SAFB2: variants seen among roughly 807,000 people sequenced by gnomAD.
SAFB2 encodes the protein scaffold attachment factor B2.
A neutral mutation model predicts 100.6 loss-of-function variants in SAFB2; 32 were observed. That is an observed-to-expected ratio of 0.32 (90% CI 0.24 to 0.43). The LOEUF (loss-of-function observed/expected upper bound fraction) is 0.43, where lower values mean the gene tolerates loss of function less well. Among genes scored for constraint, SAFB2 ranks in the 20% least tolerant of loss-of-function variants. The pLI is 1.00. For missense variants in SAFB2, 1,185 were observed against 1,163.4 expected (o/e 1.02, Z -0.27); for synonymous variants, 500 against 439.4 (o/e 1.14, Z -1.72).
chr19:5,610,612 T>A (rs1022669778), intron 8 of SAFB2, 27 bp downstream of exon 8: 1 of 1,526,026 alleles, frequency 6.6e-7, no homozygotes. Flanking sequence ...CATACCTGGC[T>A]CCCTACCACG....
At chr19:5,593,795 C>G in intron 15 of SAFB2, 96 bp downstream of exon 15, 2 of 1,279,794 alleles carry the variant, frequency 1.6e-6, no homozygotes, top group Non-Finnish European at 2.0e-6. Context: ...ATTCTCCCCA[C>G]CGACAGGGAC....
intron 9 of SAFB2, among the ~76,000 whole-genome samples, chr19:5,606,308 C>CAA (rs2052773710): frequency 6.6e-6 from 1 of 152,204 alleles, no homozygotes; most frequent in African/African-American, 2.4e-5. Flanking sequence ...CCAAAAAATA[C>CAA]AATTCACAAC....
chr19:5,589,898 C>A (rs899216697), intron 18 of SAFB2, among the ~76,000 whole-genome samples: 3 of 152,136 alleles, frequency 2.0e-5, no homozygotes, highest in Non-Finnish European at 2.9e-5. Context: ...GAGGAAGACA[C>A]GTGTCAAGAG....
chr19:5,594,823 C>T (rs2052501630), intron 14 of SAFB2, among the ~76,000 whole-genome samples: 1 of 152,128 alleles, frequency 6.6e-6, no homozygotes, highest in Non-Finnish European at 1.5e-5. Flanking sequence ...GGCAACATAG[C>T]CAAACCCCAT....
In SAFB2 at chr19:5,622,771, G is replaced by T; in HGVS notation, c.-56C>A. On this transcript the variant is annotated 5_prime_UTR_variant, in exon 1 of 21. Transcript: ENST00000252542. ...GTCGCACACCGCCGGCAGCTATAGCGGCTCTGAACACAAAATGGCGCCGCC... is the reference window on the plus strand; with the variant it reads ...GTCGCACACCGCCGGCAGCTATAGCTGCTCTGAACACAAAATGGCGCCGCC... 6.5e-7 allele frequency: 1 copy of T among 1,529,640 alleles called. No individual in the cohort carries two copies. The highest frequency in any genetic ancestry group is 8.8e-7 in the Non-Finnish European group (1 of 1,140,078). The allele number at this position is 1,529,640 out of a possible 1,614,324, so 94.8% of individuals were successfully genotyped here. A position where few individuals can be genotyped will look rare whatever the true frequency, so the allele number is the denominator to read the frequency against.
At chr19:5,591,492 C>A in intron 17 of SAFB2, 1 of 377,740 alleles carries the variant, frequency 2.6e-6, no homozygotes, top group Non-Finnish European at 4.8e-6. Context: ...GTCGGCCAGG[C>A]TGGTCTTGAA....
chr19:5,591,624 C>T (rs2052406768), intron 17 of SAFB2, 124 bp downstream of exon 17: 1 of 836,246 alleles, frequency 1.2e-6, no homozygotes, highest in African/African-American at 1.7e-5. Context: ...ACTTGCATAC[C>T]CGCCACACGT....
chr19:5,613,501 A>G lies in SAFB2; in HGVS notation c.570T>C (p.Thr190=), dbSNP rs148685765. The change falls in exon 5 of 21, where the codon ACT becomes ACC. Residue 190 remains threonine (T), a synonymous_variant. Transcript: ENST00000252542. ...HAVDGEGFKN[T]LETSSLNFKV... is the part of the protein sequence containing the mutation. ...TGAAGTTCAACGATGAAGTTTCCAAAGTGTTCTTAAATCCTTCCCCATCCA... is the reference window on the plus strand; with the variant it reads ...TGAAGTTCAACGATGAAGTTTCCAAGGTGTTCTTAAATCCTTCCCCATCCA... 3.2e-4 allele frequency: 512 copies of G among 1,614,106 alleles called. 1 individual carries two copies. The highest frequency in any genetic ancestry group is 1.3e-3 in the Middle Eastern group (8 of 6,060).
rs116427884 is a variant in SAFB2, at chr19:5,605,529, T to C, written c.1297-593A>G. On this transcript the variant is annotated intron_variant, in intron 9 of 20. Transcript: ENST00000252542. ...TAACCAGAAGTCCTACCCATCCACA[T>C]TGTTTTCTCTATTTCCACTGTGCCC... Among the ~76,000 whole-genome samples, 228 of 152,348 alleles carry C rather than the reference T, an allele frequency of 1.5e-3. 1 individual carries two copies. Among genetic ancestry groups the C allele is most frequent in the African/African-American group, 5.3e-3 (220 of 41,580 alleles).
chr19:5,604,395 AAAAT>A (rs1458507875), intron 11 of SAFB2, among the ~76,000 whole-genome samples, 184 bp downstream of exon 11: 1 of 152,188 alleles, frequency 6.6e-6, no homozygotes, highest in African/African-American at 2.4e-5. Context: ...CTGTCTCCAA[AAAAT>A]AAATAAATAA....
At chr19:5,606,832 C>A (rs2052784460) in intron 9 of SAFB2, among the ~76,000 whole-genome samples, 1 of 152,220 alleles carries the variant, frequency 6.6e-6, no homozygotes, top group Non-Finnish European at 1.5e-5. Flanking sequence ...CAAACCTGCA[C>A]TACAGGAAAC....
At chr19:5,601,630 T>C (rs1006408054) in intron 11 of SAFB2, among the ~76,000 whole-genome samples, 1 of 152,018 alleles carries the variant, frequency 6.6e-6, no homozygotes, top group Non-Finnish European at 1.5e-5. Flanking sequence ...GAGAATTGCT[T>C]GAACCCAGGA....
At chr19:5,614,242 C>T (rs367982124) in intron 4 of SAFB2, among the ~76,000 whole-genome samples, 5 of 152,276 alleles carry the variant, frequency 3.3e-5, no homozygotes, top group Middle Eastern at 3.4e-3. Context: ...TGTGAGCCAC[C>T]GCGCCTGGCC....
rs1280038316 is a variant in SAFB2 at position 5,587,656 on chromosome 19, A to T, written c.2705+45T>A. The T allele has an allele frequency of 2.0e-6, 3 of 1,507,872 alleles. No homozygotes were observed. In the African/African-American group the frequency reaches 4.2e-5, roughly 21 times the overall value. The allele number at this position is 1,507,872 out of a possible 1,614,324, so 93.4% of individuals were successfully genotyped here. A position where few individuals can be genotyped will look rare whatever the true frequency, so the allele number is the denominator to read the frequency against. Reference sequence around the variant, plus strand: ...ACATGCAAAAAAGGGAGAGGAAGTGAGGAGCAGGAGTGAACCACCGTCCTC... The same window carrying T: ...ACATGCAAAAAAGGGAGAGGAAGTGTGGAGCAGGAGTGAACCACCGTCCTC... On this transcript the variant is annotated intron_variant, in intron 20 of 20. Coordinates refer to ENST00000252542, the MANE Select transcript of SAFB2 (RefSeq NM_014649.3). This position sits in a 1 kb window ranked among gnomAD's most constrained non-coding sequence, Gnocchi z 4.9.
chr19:5,589,818 G>C (rs977804208), intron 18 of SAFB2, among the ~76,000 whole-genome samples: 1 of 152,156 alleles, frequency 6.6e-6, no homozygotes, highest in Admixed American at 6.5e-5. Flanking sequence ...GTCCTCCTAA[G>C]TGATTCTAAT....
chr19:5,593,254 G>A (rs978589290), intron 15 of SAFB2, among the ~76,000 whole-genome samples: 7 of 152,168 alleles, frequency 4.6e-5, no homozygotes, highest in African/African-American at 9.7e-5. Context: ...TGCCTTCCAC[G>A]GGAGCCTGAA....
intron 2 of SAFB2, among the ~76,000 whole-genome samples, chr19:5,617,316 G>C (rs560342240): frequency 6.6e-6 from 1 of 151,850 alleles, no homozygotes. Context: ...CCATAAAGTC[G>C]AGAATCATCC....
At chr19:5,604,957 T>TTA in intron 9 of SAFB2, 21 bp from the exon 10 acceptor site, 1 of 1,609,724 alleles carries the variant, frequency 6.2e-7, no homozygotes, top group Non-Finnish European at 8.5e-7. Flanking sequence ...AAGGGCACTC[T>TTA]TACTCTCTCA....
In SAFB2 at chr19:5,616,271, T is replaced by A; in HGVS notation, c.404A>T (p.Asp135Val). 1 of 1,614,212 alleles carries A rather than the reference T, an allele frequency of 6.2e-7. No homozygotes were observed. The change falls in exon 4 of 21, where the codon GAC (aspartate) becomes GTC (valine). Residue 135 changes from aspartate to valine, a missense_variant. This residue lies in a region of SAFB2 where 351 missense variants were observed against 341.2 expected (regional missense o/e 1.03). Coordinates refer to ENST00000252542, the MANE Select transcript of SAFB2 (RefSeq NM_014649.3). ...ACTGCTATTCGCCACTTCAGTTTCG[T>A]CTAGCACACTCATGTCCATCATGCC... ...NMGMMDMSVL[D>V]ETEVANSSAP...
Sources: gnomAD v4.1 joint callset for allele counts (sites outside exome capture counted in the v4.1 genomes callset) on GRCh38, gnomAD v4.1.1 for gene constraint, gnomAD v4.1.1 regional missense constraint, Gnocchi (gnomAD v3.1) non-coding constraint, MANE v1.5 for transcripts, NCBI Gene and HGNC (gene_info 2026-07-23, HGNC 2026-07-21) for gene names.